Variants in DAB1 observed in about 807,000 individuals in gnomAD.
DAB1 encodes DAB adaptor protein 1.
In DAB1, 15 loss-of-function variants were observed where a neutral mutation model predicts 64.6. The ratio of observed to expected loss-of-function variants is 0.23; its 90% CI spans 0.16 to 0.36. The LOEUF is 0.36. Ranked by LOEUF, DAB1 falls within the 10% of genes least tolerant of loss-of-function variation. The pLI is 1.00. For missense variants in DAB1, 596 were observed against 706.7 expected (o/e 0.84, Z 1.78); for synonymous variants, 235 against 251.9 (o/e 0.93, Z 0.64).
Position 57,049,450 on chromosome 1 carries a change from C to CAAAAAAAAAAAAAAAAA in DAB1, c.723+13417_723+13433dup, listed in dbSNP as rs574438911. Among the ~76,000 whole-genome samples, 11 of 24,586 alleles carry CAAAAAAAAAAAAAAAAA rather than the reference C, an allele frequency of 4.5e-4. 1 individual carries two copies. Among genetic ancestry groups the CAAAAAAAAAAAAAAAAA allele is most frequent in the Non-Finnish European group, 6.5e-4 (9 of 13,876 alleles). The allele number at this position is 24,586 out of a possible 152,430, so 16.1% of individuals were successfully genotyped here. On this transcript the variant is annotated intron_variant, in intron 9 of 14. Transcript: ENST00000371236. ...TGGGCAACAGAGCAAGACTCCGTCT[C>CAAAAAAAAAAAAAAAAA]AAAAAAAAAAAAAAAAAAAAAAAAA...
At chr1:57,441,147 C>T (rs747212285) in intron 7 of DAB1, among the ~76,000 whole-genome samples, 2 of 152,174 alleles carry the variant, frequency 1.3e-5, no homozygotes, top group African/African-American at 2.4e-5. Flanking sequence ...CCTGTGTTAA[C>T]TTGCCTAGAA....
intron 3 of DAB1, among the ~76,000 whole-genome samples, chr1:58,398,566 G>T (rs1644543098): frequency 6.6e-6 from 1 of 152,218 alleles, no homozygotes; most frequent in Non-Finnish European, 1.5e-5. Context: ...CACTTAGAGA[G>T]CAGTTACCAC....
At chr1:57,691,983 G>A (rs1278270526) in intron 6 of DAB1, among the ~76,000 whole-genome samples, 4 of 152,106 alleles carry the variant, frequency 2.6e-5, no homozygotes, top group African/African-American at 7.2e-5. Flanking sequence ...CCAACTCTTC[G>A]GAGTTGGGAG....
chr1:58,439,520 T>G (rs1407261896), intron 3 of DAB1, among the ~76,000 whole-genome samples: 1 of 152,238 alleles, frequency 6.6e-6, no homozygotes, highest in Non-Finnish European at 1.5e-5. Context: ...TTTATTACTT[T>G]AAGTGTTATT....
At chr1:58,433,438 G>A (rs1644901040) in intron 3 of DAB1, among the ~76,000 whole-genome samples, 1 of 152,052 alleles carries the variant, frequency 6.6e-6, no homozygotes, top group Non-Finnish European at 1.5e-5. Context: ...AATTTATAAT[G>A]AACAGGAATT....
intron 6 of DAB1, among the ~76,000 whole-genome samples, chr1:57,658,158 A>T (rs1646339968): frequency 6.6e-6 from 1 of 152,124 alleles, no homozygotes. Context: ...TACACCAAAC[A>T]CAACTTTGGT....
At chr1:57,427,652 A>G (rs80123834), upstream of DAB1, among the ~76,000 whole-genome samples, 22,150 of 152,182 alleles carry the variant, frequency 0.15, 1,685 homozygotes, top group Middle Eastern at 0.17. Flanking sequence ...CCAGAGAGTA[A>G]TAAAATTTTA....
intron 7 of DAB1, among the ~76,000 whole-genome samples, chr1:57,540,949 T>A (rs1273661570): frequency 1.3e-5 from 2 of 152,144 alleles, no homozygotes; most frequent in African/African-American, 4.8e-5. Context: ...GTACTGTATA[T>A]TTCAAAAATA....
chr1:58,502,404 T>C (rs1021744169), intron 3 of DAB1, among the ~76,000 whole-genome samples: 2 of 152,228 alleles, frequency 1.3e-5, no homozygotes, highest in Admixed American at 1.3e-4. Context: ...AACTCATCCA[T>C]TCTCATTGCT....
intron 1 of DAB1, chr1:58,538,995 C>T (rs764336619): frequency 1.1e-6 from 1 of 872,826 alleles, no homozygotes; most frequent in Non-Finnish European, 2.0e-6. Context: ...AAGCATCATT[C>T]CATACAGTAC....
At chr1:58,004,293 T>G (rs996847043) in intron 5 of DAB1, among the ~76,000 whole-genome samples, 1 of 152,214 alleles carries the variant, frequency 6.6e-6, no homozygotes, top group Non-Finnish European at 1.5e-5. Flanking sequence ...CTAAGTGCCC[T>G]GGCTGAGGTC....
rs538922485 is a variant in DAB1 at position 58,144,741 on chromosome 1, C to T, written n.387+5770G>A. 1.2e-4 allele frequency among the ~76,000 whole-genome samples: 18 copies of T among 152,266 alleles called. No homozygotes were observed. The South Asian group carries it at 1.5e-3, about 12-fold the overall frequency. ...AGGTTTGGTGATACACCCGGGGTCA[C>T]CCAGCAGCAAGCAGCAGAGCCTGAA... On this transcript the variant is annotated intron_variant and non_coding_transcript_variant, in intron 5 of 20. Transcript: ENST00000485760.
intron 4 of DAB1, among the ~76,000 whole-genome samples, chr1:58,333,020 C>T (rs1177471163): frequency 6.6e-6 from 1 of 152,196 alleles, no homozygotes; most frequent in Admixed American, 6.5e-5. Flanking sequence ...AGCGATTCTC[C>T]TGCCTCAACC....
At chr1:57,222,134 A>G (rs559460160) in intron 2 of DAB1, among the ~76,000 whole-genome samples, 1 of 152,306 alleles carries the variant, frequency 6.6e-6, no homozygotes, top group Non-Finnish European at 1.5e-5. Flanking sequence ...TTCTAGCAGA[A>G]GAAACAAAGG....
intron 2 of DAB1, among the ~76,000 whole-genome samples, chr1:57,247,503 T>C (rs909127390): frequency 7.9e-5 from 12 of 152,216 alleles, no homozygotes; most frequent in African/African-American, 2.9e-4. Flanking sequence ...CCCACTCTCA[T>C]TTAGTTCTTT....
At chr1:57,187,067 A>G (rs1663639877) in intron 2 of DAB1, among the ~76,000 whole-genome samples, 1 of 152,242 alleles carries the variant, frequency 6.6e-6, no homozygotes, top group Non-Finnish European at 1.5e-5. Flanking sequence ...TTTTTAAAGT[A>G]GTACTAAAAC....
chr1:57,093,641 G>A (rs1055096931), intron 4 of DAB1, among the ~76,000 whole-genome samples: 3 of 152,180 alleles, frequency 2.0e-5, no homozygotes, highest in African/African-American at 7.2e-5. Flanking sequence ...GTGATGGTGT[G>A]TGAATTCCAG....
At position 58,360,965 on chromosome 1, in the gene DAB1, G is replaced by A. The variant is rs535939639; in HGVS notation, n.258-17562C>T. ...TTAAAATTAAACTATTTTTGTGAGC[G>A]TTTTCCCCATGTCATGAAATTCCTT... On this transcript the variant is annotated intron_variant and non_coding_transcript_variant, in intron 3 of 20. Transcript: ENST00000485760. Among the ~76,000 whole-genome samples, 33 of 152,198 alleles carry A rather than the reference G, an allele frequency of 2.2e-4. No homozygotes were observed. In the South Asian group the frequency reaches 2.9e-3, roughly 13 times the overall value.
intron 1 of DAB1, among the ~76,000 whole-genome samples, chr1:57,313,405 T>C (rs1432107289): frequency 6.6e-6 from 1 of 152,222 alleles, no homozygotes; most frequent in African/African-American, 2.4e-5. Context: ...AGTGTTGGTA[T>C]TATGACAAGC....
Sources: allele counts gnomAD v4.1 joint callset (sites outside exome capture counted in the v4.1 genomes callset), GRCh38; gene constraint gnomAD v4.1.1; transcripts MANE v1.5; gene names NCBI Gene and HGNC (gene_info 2026-07-23, HGNC 2026-07-21).